Variants in TNN observed in about 807,000 individuals in gnomAD.
TNN encodes the protein tenascin N, also known as tenascin-N.
TNN carries 122 observed loss-of-function variants against 134.4 expected under a neutral mutation model. That is an observed-to-expected ratio of 0.91 (90% CI 0.78 to 1.06). The LOEUF is 1.06. Among genes scored for constraint, TNN ranks in the 50% least tolerant of loss-of-function variants. TNN has a pLI of 0.00. For synonymous variants in TNN, 710 were observed against 670.3 expected (o/e 1.06, Z -0.91); for missense variants, 1,739 against 1,699.4 (o/e 1.02, Z -0.41).
At chr1:175,111,662 A>G (rs1235963667) in intron 9 of TNN, among the ~76,000 whole-genome samples, 1 of 151,876 alleles carries the variant, frequency 6.6e-6, no homozygotes, top group Non-Finnish European at 1.5e-5. Context: ...GACATCTTCA[A>G]TTTCTTTCAT....
chr1:175,140,620 A>C (rs534579641), intron 17 of TNN, among the ~76,000 whole-genome samples: 1 of 152,352 alleles, frequency 6.6e-6, no homozygotes, highest in East Asian at 1.9e-4. Flanking sequence ...CTCTGTTTGC[A>C]TGTTAACTGC....
chr1:175,130,971 A>G (rs1465096713), intron 15 of TNN, among the ~76,000 whole-genome samples: 1 of 150,954 alleles, frequency 6.6e-6, no homozygotes, highest in African/African-American at 2.4e-5. Flanking sequence ...ACTTAAAGCC[A>G]CCATGCTCCA....
At chr1:175,110,655 T>C (rs1429853407) in intron 9 of TNN, among the ~76,000 whole-genome samples, 1 of 152,252 alleles carries the variant, frequency 6.6e-6, no homozygotes, top group Non-Finnish European at 1.5e-5. Flanking sequence ...CTTGGTTACT[T>C]GTCAAAAATC....
chr1:175,144,505 C>T lies in TNN; in HGVS notation c.3714C>T (p.His1238=). Residue 1238 remains histidine (H), a synonymous_variant, in exon 18 of 19, where the codon CAC becomes CAT. Coordinates refer to ENST00000239462, the MANE Select transcript of TNN (RefSeq NM_022093.2). ...GTGGCTGGTGGTATAAGAACTGCCA[C>T]TTGGCCAACCCTAATGGCAGATATG... ...HHGGWWYKNC[H]LANPNGRYGE... 6.2e-7 allele frequency: 1 copy of T among 1,614,246 alleles called. No homozygotes were observed. Among genetic ancestry groups the T allele is most frequent in the South Asian group, 1.1e-5 (1 of 91,084 alleles).
At position 175,127,024 on chromosome 1, in the gene TNN, C is replaced by A. The variant is rs749585837; in HGVS notation, c.2984C>A (p.Pro995His). ...TQSGGILTWT[P>H]PSAQIHGYIL... The stretch of plus-strand genomic sequence containing the variant: ...TCTGGTGGCATATTGACCTGGACGC[C>A]CCCCTCTGCTCAGATCCACGGCTAC... The change falls in exon 13 of 19, where the codon CCC becomes CAC. Residue 995 changes from proline to histidine, a missense_variant. Physicochemically the swap from Pro to His is moderately conservative, Grantham distance 77 (BLOSUM62 -2). Transcript: ENST00000239462. 4.3e-6 allele frequency: 7 copies of A among 1,614,132 alleles called. No individual in the cohort carries two copies. In the Admixed American group the frequency reaches 1.2e-4, roughly 27 times the overall value.
intron 15 of TNN, among the ~76,000 whole-genome samples, chr1:175,135,501 G>A (rs1166806241): frequency 1.3e-5 from 2 of 152,200 alleles, no homozygotes; most frequent in South Asian, 2.1e-4. Flanking sequence ...AATGGGTGTT[G>A]AAAGTTACAT....
chr1:175,080,197 C>T lies in TNN; in HGVS notation c.819C>T (p.Asn273=). Residue 273 remains asparagine, a synonymous_variant, in exon 4 of 19, where the codon AAC becomes AAT. Coordinates refer to ENST00000239462, the MANE Select transcript of TNN (RefSeq NM_022093.2). Reference sequence around the variant, plus strand: ...CACAGGGCCTGCAGCTGCTCAAGAACACGGAGGATTCTCTGCTGGTGAGCT... The same window carrying T: ...CACAGGGCCTGCAGCTGCTCAAGAATACGGAGGATTCTCTGCTGGTGAGCT... ...VTPQGLQLLK[N]TEDSLLVSWE... The T allele has an allele frequency of 6.2e-7, 1 of 1,614,094 alleles. No homozygotes were observed. The highest frequency in any genetic ancestry group is 8.5e-7 in the Non-Finnish European group (1 of 1,180,014).
intron 9 of TNN, among the ~76,000 whole-genome samples, chr1:175,109,529 T>G (rs1028024342): frequency 5.9e-5 from 9 of 152,118 alleles, no homozygotes; most frequent in Non-Finnish European, 1.2e-4. Context: ...AGTAAGAACA[T>G]GCAATGTTTG....
chr1:175,092,430 G>A (rs925561744), intron 6 of TNN, among the ~76,000 whole-genome samples: 2 of 151,940 alleles, frequency 1.3e-5, no homozygotes, highest in African/African-American at 4.8e-5. Flanking sequence ...GCCAGTCACA[G>A]TGAGACTATT....
intron 6 of TNN, among the ~76,000 whole-genome samples, chr1:175,087,347 G>A (rs1674341682): frequency 6.6e-6 from 1 of 152,208 alleles, no homozygotes; most frequent in Non-Finnish European, 1.5e-5. Context: ...TACGTGTTGA[G>A]TACATTTGCA....
Position 175,118,683 on chromosome 1 carries a change from G to C in TNN, c.2509G>C (p.Glu837Gln). 1.9e-6 allele frequency: 3 copies of C among 1,614,260 alleles called. No individual in the cohort carries two copies. Among genetic ancestry groups the C allele is most frequent in the Non-Finnish European group, 1.7e-6 (2 of 1,180,048 alleles). ...GGTGCACTACACGTCTGCCAACGGA[G>C]AGACCAGGGAGGTTCCAGTGGGGAA... ...YVVHYTSANG[E>Q]TREVPVGKEQ... The change falls in exon 11 of 19, where the codon GAG (glutamate) becomes CAG (glutamine). Residue 837 changes from glutamate (E) to glutamine (Q), a missense_variant. Coordinates refer to ENST00000239462, the MANE Select transcript of TNN (RefSeq NM_022093.2).
chr1:175,086,514 T>C (rs7514625), intron 6 of TNN, among the ~76,000 whole-genome samples: 107,804 of 151,980 alleles, frequency 0.71, 39,053 homozygotes, highest in African/African-American at 0.86. Flanking sequence ...CATAGTGCCA[T>C]TCGGGGAGAC....
rs1675427660 is a variant in TNN, at chr1:175,123,428, T to C, written c.2679T>C (p.Thr893=). The C allele has an allele frequency of 2.5e-6, 4 of 1,614,216 alleles. No homozygotes were observed. Among genetic ancestry groups the C allele is most frequent in the Non-Finnish European group, 3.4e-6 (4 of 1,180,042 alleles). Residue 893 remains threonine (T), a synonymous_variant, in exon 12 of 19, where the codon ACT becomes ACC. Transcript: ENST00000239462. ...TEIDGPKNLV[T]DWVTENMATV... ...TTGACGGCCCCAAAAACCTAGTGAC[T>C]GACTGGGTGACGGAGAATATGGCCA...
At chr1:175,124,367 C>T (rs549572026) in intron 12 of TNN, among the ~76,000 whole-genome samples, 11 of 152,208 alleles carry the variant, frequency 7.2e-5, no homozygotes, top group Middle Eastern at 3.4e-3. Context: ...TAAATAGAGA[C>T]GTGTTAAAAC....
At chr1:175,110,927 C>A (rs1405908107) in intron 9 of TNN, among the ~76,000 whole-genome samples, 2 of 151,786 alleles carry the variant, frequency 1.3e-5, no homozygotes, top group Non-Finnish European at 2.9e-5. Flanking sequence ...GTAATCCCAG[C>A]ACTTTGGGAG....
Position 175,123,661 on chromosome 1 carries a change from C to T in TNN, c.2912C>T (p.Thr971Ile), listed in dbSNP as rs764693263. 1.2e-6 allele frequency: 2 copies of T among 1,614,180 alleles called. No homozygotes were observed. Among genetic ancestry groups the T allele is most frequent in the Non-Finnish European group, 1.7e-6 (2 of 1,180,016 alleles). The change falls in exon 12 of 19, where the codon ACA becomes ATA. Residue 971 changes from threonine (T) to isoleucine (I), a missense_variant and splice_region_variant. Physicochemically the swap from Thr to Ile is moderately conservative, Grantham distance 89. Coordinates refer to ENST00000239462, the MANE Select transcript of TNN (RefSeq NM_022093.2). ...AAGAAGGCTGACACCAAGGCCCAGA[C>T]AGGTACTGAGAGGGACCAGGCCAGG... Reference protein sequence around the residue: ...ESKKADTKAQTELDPPRNLRP... With the variant: ...ESKKADTKAQIELDPPRNLRP...
At chr1:175,069,844 A>C (rs1673878086) in intron 1 of TNN, among the ~76,000 whole-genome samples, 1 of 152,262 alleles carries the variant, frequency 6.6e-6, no homozygotes, top group Admixed American at 6.5e-5. Flanking sequence ...CTTGGAAATT[A>C]GCAAACGCTC....
At chr1:175,121,382 C>T (rs988474156) in intron 11 of TNN, among the ~76,000 whole-genome samples, 1 of 152,108 alleles carries the variant, frequency 6.6e-6, no homozygotes, top group African/African-American at 2.4e-5. Context: ...TTTGCTGGAG[C>T]ATAGAGGGTG....
chr1:175,092,978 C>G (rs2149431332), intron 6 of TNN, among the ~76,000 whole-genome samples: 1 of 152,354 alleles, frequency 6.6e-6, no homozygotes, highest in Middle Eastern at 3.4e-3. Context: ...GTGACCTTCA[C>G]TCTTGGTTCA....
Sources: gnomAD v4.1 joint callset for allele counts (sites outside exome capture counted in the v4.1 genomes callset) on GRCh38, gnomAD v4.1.1 for gene constraint, MANE v1.5 for transcripts, NCBI Gene and HGNC (gene_info 2026-07-23, HGNC 2026-07-21) for gene names.